The following SHTN1 variants were observed in gnomAD, a reference collection of about 807,000 sequenced individuals.
SHTN1 encodes the protein shootin-1.
A neutral mutation model predicts 83.1 loss-of-function variants in SHTN1; 42 were observed. The observed-to-expected ratio is 0.51, with a 90% CI of 0.39 to 0.65. SHTN1 has a LOEUF of 0.65. SHTN1 is among the 30% of genes least tolerant of loss of function. The pLI is 0.00. For missense variants in SHTN1, 622 were observed against 737.8 expected (o/e 0.84, Z 1.82); for synonymous variants, 224 against 247.7 (o/e 0.90, Z 0.90).
chr10:117,115,176 C>G (rs1853828442), intron 1 of SHTN1, among the ~76,000 whole-genome samples: 2 of 152,204 alleles, frequency 1.3e-5, no homozygotes, highest in Admixed American at 6.5e-5. Context: ...AAGGTTCAAA[C>G]TAAGATTCTC....
At chr10:117,035,406 T>C (rs1852480029) in intron 2 of SHTN1, among the ~76,000 whole-genome samples, 1 of 152,144 alleles carries the variant, frequency 6.6e-6, no homozygotes, top group Non-Finnish European at 1.5e-5. Context: ...GGGGAAACTC[T>C]CTAGGACACT....
At chr10:117,029,219 T>C (rs1372295166) in intron 2 of SHTN1, among the ~76,000 whole-genome samples, 1 of 152,250 alleles carries the variant, frequency 6.6e-6, no homozygotes, top group Admixed American at 6.5e-5. Context: ...GGCTCCTTTT[T>C]TATGGCCAAT....
chr10:116,946,049 G>C (rs958969579), intron 7 of SHTN1, among the ~76,000 whole-genome samples: 3 of 151,808 alleles, frequency 2.0e-5, no homozygotes, highest in Non-Finnish European at 1.5e-5. Context: ...AGACATATTT[G>C]GCAAAACTAC....
At chr10:117,061,289 C>G (rs143870693) in intron 1 of SHTN1, among the ~76,000 whole-genome samples, 4,603 of 143,526 alleles carry the variant, frequency 0.032, 221 homozygotes, top group African/African-American at 0.11. Flanking sequence ...TGGGATTACA[C>G]GCGTTCAAGC....
At chr10:117,071,929 T>C (rs527305012) in intron 1 of SHTN1, among the ~76,000 whole-genome samples, 2 of 152,330 alleles carry the variant, frequency 1.3e-5, no homozygotes, top group Non-Finnish European at 2.9e-5. Flanking sequence ...GGTTTTCTTG[T>C]GAAAGACAGT....
intron 2 of SHTN1, among the ~76,000 whole-genome samples, chr10:116,975,553 C>T (rs905243427): frequency 6.6e-6 from 1 of 151,822 alleles, no homozygotes; most frequent in Admixed American, 6.6e-5. Context: ...TCTTTATACC[C>T]CAGTACTCAG....
intron 2 of SHTN1, among the ~76,000 whole-genome samples, chr10:117,039,993 A>T (rs1288829561): frequency 6.6e-6 from 1 of 152,182 alleles, no homozygotes; most frequent in Non-Finnish European, 1.5e-5. Flanking sequence ...AAAAAAAAGC[A>T]GGGCCTTCAT....
intron 1 of SHTN1, among the ~76,000 whole-genome samples, chr10:117,000,185 C>T (rs185824115): frequency 6.6e-6 from 1 of 152,196 alleles, no homozygotes. Flanking sequence ...TAATTCCAAA[C>T]AGCTTTCTAC....
At chr10:117,017,241 C>T (rs568748226) in intron 2 of SHTN1, among the ~76,000 whole-genome samples, 26 of 152,264 alleles carry the variant, frequency 1.7e-4, no homozygotes, top group African/African-American at 4.8e-4. Context: ...CCTGTAATCC[C>T]AGCACTTTGG....
At chr10:116,982,695 G>A (rs549627712) in intron 1 of SHTN1, among the ~76,000 whole-genome samples, 18 of 152,238 alleles carry the variant, frequency 1.2e-4, no homozygotes, top group East Asian at 7.7e-4. Flanking sequence ...AGTGGCTCAC[G>A]CCTGTAATCC....
intron 1 of SHTN1, among the ~76,000 whole-genome samples, chr10:116,987,602 G>A (rs1051933227): frequency 5.9e-5 from 9 of 152,004 alleles, no homozygotes; most frequent in African/African-American, 1.9e-4. Flanking sequence ...TAGAAAAGGC[G>A]AAACTATGGA....
At chr10:116,979,345 CA>C (rs767774730) in intron 1 of SHTN1, 37 bp from the exon 2 acceptor site, 1 of 1,576,276 alleles carries the variant, frequency 6.3e-7, no homozygotes, top group Non-Finnish European at 8.7e-7. Context: ...ACAACACTGT[CA>C]AAAGTTTACT....
At chr10:116,991,084 G>A (rs1851414790) in intron 1 of SHTN1, among the ~76,000 whole-genome samples, 1 of 152,138 alleles carries the variant, frequency 6.6e-6, no homozygotes, top group Non-Finnish European at 1.5e-5. Flanking sequence ...TACTCTGGAG[G>A]CTGAGGCAGG....
At chr10:116,918,832 G>C (rs758125564) in intron 12 of SHTN1, among the ~76,000 whole-genome samples, 68 of 152,258 alleles carry the variant, frequency 4.5e-4, no homozygotes, top group Middle Eastern at 6.8e-3. Flanking sequence ...ACAAATTAAT[G>C]ACCTAAATGT....
At chr10:116,902,827 A>G (rs1847799673) in intron 15 of SHTN1, among the ~76,000 whole-genome samples, 1 of 152,224 alleles carries the variant, frequency 6.6e-6, no homozygotes, top group South Asian at 2.1e-4. Context: ...AGAGCACAAA[A>G]CTTGGGTGTC....
In SHTN1 at chr10:117,019,169, T is replaced by C. The variant is rs146238871; in HGVS notation, c.-123+29276A>G. ...AAAAGATTCCATTTACATTAACAGT[T>C]AAAAAACTAAAATAATTTAATTTTT... On this transcript the variant is annotated intron_variant, in intron 2 of 17. Transcript: ENST00000392901. Among the ~76,000 whole-genome samples the C allele has an allele frequency of 3.9e-4, 59 of 152,164 alleles. No homozygotes were observed. In the East Asian group the frequency reaches 8.7e-3, roughly 22 times the overall value.
intron 1 of SHTN1, among the ~76,000 whole-genome samples, chr10:117,119,865 T>C (rs1589940158): frequency 6.6e-6 from 1 of 151,466 alleles, no homozygotes; most frequent in African/African-American, 2.4e-5. Context: ...AATAAGATCC[T>C]GTCATTTGCA....
At chr10:116,981,254 G>A (rs1000443584) in intron 1 of SHTN1, among the ~76,000 whole-genome samples, 2 of 152,154 alleles carry the variant, frequency 1.3e-5, no homozygotes, top group Non-Finnish European at 2.9e-5. Flanking sequence ...GGGAAGCAGA[G>A]GTTGCAGTGA....
intron 4 of SHTN1, among the ~76,000 whole-genome samples, chr10:116,954,814 C>T (rs1249142054): frequency 6.6e-6 from 1 of 152,128 alleles, no homozygotes; most frequent in African/African-American, 2.4e-5. Flanking sequence ...ACAGGAGCTG[C>T]TGGTAACCAC....
Sources: gnomAD v4.1 joint callset for allele counts (sites outside exome capture counted in the v4.1 genomes callset) on GRCh38, gnomAD v4.1.1 for gene constraint, MANE v1.5 for transcripts, NCBI Gene and HGNC (gene_info 2026-07-23, HGNC 2026-07-21) for gene names.